NMNAT2: variants seen among roughly 807,000 people sequenced by gnomAD.
The protein encoded by NMNAT2 is nicotinamide/nicotinic acid mononucleotide adenylyltransferase 2.
NMNAT2 carries 11 observed loss-of-function variants against 41.6 expected under a neutral mutation model. That is an observed-to-expected ratio of 0.26 (90% confidence interval 0.17 to 0.44). The LOEUF (loss-of-function observed/expected upper bound fraction) is 0.44. NMNAT2 is among the 20% of genes least tolerant of loss of function. NMNAT2 has a pLI of 1.00. For synonymous variants in NMNAT2, 148 were observed against 151.2 expected, an observed-to-expected ratio of 0.98 and a Z score of 0.16; for missense variants, 288 against 407.7, an observed-to-expected ratio of 0.71 and a Z score of 2.53.
At chr1:183,320,699 A>G (rs1447418055) in intron 1 of NMNAT2, among the ~76,000 whole-genome samples, 1 of 152,232 alleles carries the variant, frequency 6.6e-6, no homozygotes, top group South Asian at 2.1e-4. Context: ...CGAGACAGCT[A>G]TGTTTTACCT....
At chr1:183,381,089 G>T (rs1663793932) in intron 1 of NMNAT2, among the ~76,000 whole-genome samples, 1 of 152,154 alleles carries the variant, frequency 6.6e-6, no homozygotes, top group Admixed American at 6.5e-5. Flanking sequence ...GGAGAGATGG[G>T]ATGAGCTGCA....
In NMNAT2 at chr1:183,285,146, T is replaced by C. The variant is rs1014302692; in HGVS notation, c.449-356A>G. The stretch of plus-strand genomic sequence containing the variant: ...CCAAGAGATAACTCCTGCCAACCTG[T>C]TGGCATGTCATTTATTTTCTTTCAT... On this transcript the variant is annotated intron_variant, in intron 5 of 10. Coordinates refer to ENST00000287713, the MANE Select transcript of NMNAT2 (RefSeq NM_015039.4). Among the ~76,000 whole-genome samples the C allele has an allele frequency of 4.6e-5, 7 of 152,232 alleles. No homozygotes were observed. In the South Asian group the frequency reaches 1.2e-3, roughly 27 times the overall value.
At chr1:183,305,537 T>G (rs1394346007) in intron 1 of NMNAT2, among the ~76,000 whole-genome samples, 1 of 152,148 alleles carries the variant, frequency 6.6e-6, no homozygotes, top group Non-Finnish European at 1.5e-5. Context: ...GAGCTTGAAA[T>G]AGACTTTATC....
At chr1:183,394,942 A>T (rs1287438516) in intron 1 of NMNAT2, among the ~76,000 whole-genome samples, 1 of 152,284 alleles carries the variant, frequency 6.6e-6, no homozygotes, top group African/African-American at 2.4e-5. Flanking sequence ...GGCCTCTCAG[A>T]GATCCAGCCA....
intron 1 of NMNAT2, among the ~76,000 whole-genome samples, chr1:183,327,207 T>C (rs1662484889): frequency 6.6e-6 from 1 of 152,066 alleles, no homozygotes; most frequent in Admixed American, 6.6e-5. Flanking sequence ...TGTGCCACCA[T>C]ACTTGGCTAA....
At chr1:183,313,087 C>T (rs973677844) in intron 1 of NMNAT2, among the ~76,000 whole-genome samples, 1 of 152,088 alleles carries the variant, frequency 6.6e-6, no homozygotes, top group Admixed American at 6.6e-5. Flanking sequence ...CACTGCCAGC[C>T]CCCAGCCCCC....
chr1:183,380,358 T>A (rs1405729492), intron 1 of NMNAT2, among the ~76,000 whole-genome samples: 1 of 152,248 alleles, frequency 6.6e-6, no homozygotes, highest in African/African-American at 2.4e-5. Context: ...ATGGTTTTGC[T>A]GTAGTTTTTC....
chr1:183,407,238 A>ACACTT (rs1353316475), intron 1 of NMNAT2, among the ~76,000 whole-genome samples: 2 of 152,148 alleles, frequency 1.3e-5, no homozygotes, highest in African/African-American at 2.4e-5. Flanking sequence ...GCCAAGTTAC[A>ACACTT]CACTTCATAG....
chr1:183,359,872 C>T (rs1308995438), intron 1 of NMNAT2, among the ~76,000 whole-genome samples: 2 of 152,162 alleles, frequency 1.3e-5, no homozygotes, highest in Non-Finnish European at 2.9e-5. Context: ...TATAAAGACA[C>T]CTGCAAGATA....
intron 1 of NMNAT2, among the ~76,000 whole-genome samples, chr1:183,306,704 C>T (rs967845121): frequency 1.3e-5 from 2 of 152,180 alleles, no homozygotes; most frequent in African/African-American, 4.8e-5. Flanking sequence ...CAATAACCTA[C>T]ACGTGCCCCA....
At chr1:183,336,145 G>GTA (rs1662674102) in intron 1 of NMNAT2, among the ~76,000 whole-genome samples, 1 of 152,198 alleles carries the variant, frequency 6.6e-6, no homozygotes, top group Non-Finnish European at 1.5e-5. Context: ...TTAACCAACA[G>GTA]TAGCACTGTA....
At chr1:183,372,399 AG>A (rs1479363620) in intron 1 of NMNAT2, among the ~76,000 whole-genome samples, 1 of 152,192 alleles carries the variant, frequency 6.6e-6, no homozygotes, top group Non-Finnish European at 1.5e-5. Flanking sequence ...AGAACAGCAA[AG>A]CCAGAGAGTA....
At chr1:183,284,649 A>G (rs1661353957) in intron 6 of NMNAT2, 61 bp downstream of exon 6, 1 of 1,375,338 alleles carries the variant, frequency 7.3e-7, no homozygotes, top group East Asian at 2.3e-5. Context: ...TTGCTGAAGG[A>G]ATGAAGGGAG....
intron 1 of NMNAT2, among the ~76,000 whole-genome samples, chr1:183,361,110 T>C (rs890111612): frequency 1.3e-5 from 2 of 152,206 alleles, no homozygotes; most frequent in Admixed American, 1.3e-4. Context: ...GGATGTTCAA[T>C]ACATGCCAAT....
chr1:183,389,986 C>G (rs539229563), intron 1 of NMNAT2, among the ~76,000 whole-genome samples: 17 of 151,636 alleles, frequency 1.1e-4, no homozygotes, highest in Admixed American at 2.0e-4. Context: ...AGGACCCATG[C>G]ACCAAAGCTT....
At position 183,290,123 on chromosome 1, in the gene NMNAT2, C is replaced by T; in HGVS notation, c.321+5G>A. 1 of 1,570,990 alleles carries T rather than the reference C, an allele frequency of 6.4e-7. No homozygotes were observed. ...TCACGCATCCCCAGGCTTGGCCCAG[C>T]TCACCTTCATGAGGTCCCGGTGGTG... On this transcript the variant is annotated splice_donor_5th_base_variant and intron_variant, in intron 4 of 10. Coordinates refer to ENST00000287713, the MANE Select transcript of NMNAT2 (RefSeq NM_015039.4).
chr1:183,343,245 C>T (rs966825241), intron 1 of NMNAT2, among the ~76,000 whole-genome samples: 79 of 152,180 alleles, frequency 5.2e-4, no homozygotes, highest in Non-Finnish European at 3.5e-4. Context: ...AGATATCCCT[C>T]TTCTCCTTCC....
At chr1:183,413,607 T>C (rs1231820219) in intron 1 of NMNAT2, among the ~76,000 whole-genome samples, 66 of 138,602 alleles carry the variant, frequency 4.8e-4, no homozygotes, top group South Asian at 1.2e-3. Context: ...TCTTTCTTTT[T>C]TTTTTTTTTT....
chr1:183,379,271 C>A (rs931593435), intron 1 of NMNAT2, among the ~76,000 whole-genome samples: 2 of 152,092 alleles, frequency 1.3e-5, no homozygotes, highest in Admixed American at 6.6e-5. Flanking sequence ...GCCTCAACCT[C>A]CTGGGCTAAA....
Sources: gnomAD v4.1 joint callset for allele counts (sites outside exome capture counted in the v4.1 genomes callset) on GRCh38, gnomAD v4.1.1 for gene constraint, MANE v1.5 for transcripts, NCBI Gene and HGNC (gene_info 2026-07-23, HGNC 2026-07-21) for gene names.